Variants in NRXN1 observed in about 807,000 individuals in gnomAD.
NRXN1 encodes neurexin 1.
Under a neutral mutation model 150.9 loss-of-function variants are expected in NRXN1, and 39 were observed. The observed-to-expected ratio is 0.26, with a 90% CI of 0.20 to 0.34. The LOEUF (loss-of-function observed/expected upper bound fraction) is 0.34. NRXN1 is among the 10% of genes least tolerant of loss of function. NRXN1 has a pLI of 1.00. For synonymous variants in NRXN1, 924 were observed against 757.0 expected (o/e 1.22, Z -3.62); for missense variants, 1,815 against 1,949.9 (o/e 0.93, Z 1.30).
intron 2 of NRXN1, among the ~76,000 whole-genome samples, chr2:51,017,542 A>AAATGAGG (rs1668907743): frequency 1.3e-5 from 1 of 76,518 alleles, no homozygotes; most frequent in Non-Finnish European, 2.4e-5. Flanking sequence ...TTTTTTTTAG[A>AAATGAGG]AATGAGGTCT....
chr2:49,937,757 A>G (rs865936362), intron 22 of NRXN1, among the ~76,000 whole-genome samples: 1 of 152,200 alleles, frequency 6.6e-6, no homozygotes, highest in Non-Finnish European at 1.5e-5. Flanking sequence ...TTTGACAGCA[A>G]TGTGTTGGCT....
chr2:49,970,733 C>T (rs1342247749), intron 21 of NRXN1: 2 of 152,068 alleles, frequency 1.3e-5, no homozygotes, highest in South Asian at 2.1e-4. Context: ...TAAATCTAAA[C>T]TTAGTGTCAT....
chr2:50,937,496 G>A (rs2104450931), intron 2 of NRXN1, among the ~76,000 whole-genome samples: 1 of 152,260 alleles, frequency 6.6e-6, no homozygotes, highest in Middle Eastern at 3.4e-3. Flanking sequence ...CACACCAGAT[G>A]TAAGGAACTC....
intron 5 of NRXN1, among the ~76,000 whole-genome samples, chr2:50,890,925 T>TAA (rs1680950779): frequency 6.6e-6 from 1 of 151,980 alleles, no homozygotes; most frequent in African/African-American, 2.4e-5. Context: ...ACGTAAAGAA[T>TAA]AAAATAAGTA....
intron 17 of NRXN1, among the ~76,000 whole-genome samples, chr2:50,433,152 T>A (rs1434688060): frequency 6.6e-6 from 1 of 152,226 alleles, no homozygotes; most frequent in Admixed American, 6.5e-5. Context: ...TATGGAAAGA[T>A]GTAAAGCTCC....
intron 18 of NRXN1, among the ~76,000 whole-genome samples, chr2:50,235,435 G>T (rs920549532): frequency 1.3e-5 from 2 of 152,034 alleles, no homozygotes; most frequent in African/African-American, 4.8e-5. Flanking sequence ...GTGCTGAGGG[G>T]TTTTGTTGTG....
intron 17 of NRXN1, among the ~76,000 whole-genome samples, chr2:50,381,567 A>ACACACACAAT (rs1558635290): frequency 2.8e-5 from 4 of 141,406 alleles, no homozygotes; most frequent in Non-Finnish European, 6.1e-5. Context: ...ACACACACAC[A>ACACACACAAT]CACACAATCT....
At chr2:50,427,470 T>C (rs895222559) in intron 17 of NRXN1, among the ~76,000 whole-genome samples, 1 of 152,126 alleles carries the variant, frequency 6.6e-6, no homozygotes, top group African/African-American at 2.4e-5. Flanking sequence ...GTTCTGCTCA[T>C]ATATCAGAGT....
intron 5 of NRXN1, among the ~76,000 whole-genome samples, chr2:50,839,667 G>T (rs542658926): frequency 6.6e-6 from 1 of 152,202 alleles, no homozygotes; most frequent in Admixed American, 6.5e-5. Context: ...CTATTTATCA[G>T]ATACTATGAG....
At chr2:50,108,103 G>C (rs1258513445) in intron 18 of NRXN1, among the ~76,000 whole-genome samples, 1 of 151,744 alleles carries the variant, frequency 6.6e-6, no homozygotes, top group East Asian at 1.9e-4. Context: ...CCAAGAACTA[G>C]ATAATTACCA....
intron 8 of NRXN1, among the ~76,000 whole-genome samples, chr2:50,555,770 A>T (rs1431826201): frequency 1.3e-5 from 2 of 152,222 alleles, no homozygotes; most frequent in Non-Finnish European, 2.9e-5. Flanking sequence ...TCATAAACTA[A>T]TTACTATTTT....
chr2:50,441,020 C>T (rs2104449745), intron 17 of NRXN1, among the ~76,000 whole-genome samples: 1 of 152,274 alleles, frequency 6.6e-6, no homozygotes, highest in Middle Eastern at 3.4e-3. Context: ...CACATTAACA[C>T]AGATTTTAAG....
At chr2:49,952,403 A>C (rs1674131912) in intron 21 of NRXN1, among the ~76,000 whole-genome samples, 1 of 152,212 alleles carries the variant, frequency 6.6e-6, no homozygotes, top group Non-Finnish European at 1.5e-5. Context: ...ATCATGTAAC[A>C]CTAAAAGGGG....
chr2:50,543,388 C>T (rs1033251568), intron 9 of NRXN1, among the ~76,000 whole-genome samples: 2 of 152,046 alleles, frequency 1.3e-5, no homozygotes, highest in South Asian at 2.1e-4. Context: ...AAGCACCCTG[C>T]TATGCTATTT....
rs568344773 is a variant in NRXN1 at position 50,786,574 on chromosome 2, T to A, written c.832+135295A>T. ...CAAGTGGAAGACAAGATTATAGGAT[T>A]TAGACAGTCCTTGCAGAGGAACTGG... On this transcript the variant is annotated intron_variant, in intron 5 of 22. Transcript: ENST00000401669. Among the ~76,000 whole-genome samples, 4 of 152,240 alleles carry A rather than the reference T, an allele frequency of 2.6e-5. No individual in the cohort carries two copies. The East Asian group carries it at 5.8e-4, about 22-fold the overall frequency.
chr2:50,304,967 G>C (rs1297468105), intron 17 of NRXN1, among the ~76,000 whole-genome samples: 1 of 152,124 alleles, frequency 6.6e-6, no homozygotes, highest in Non-Finnish European at 1.5e-5. Context: ...GCGGGTGCCT[G>C]TAATCCCAGC....
chr2:51,005,615 C>G (rs1014222605), intron 2 of NRXN1, among the ~76,000 whole-genome samples: 1 of 151,780 alleles, frequency 6.6e-6, no homozygotes, highest in Non-Finnish European at 1.5e-5. Flanking sequence ...GACTATAAAA[C>G]TCACTGGTAG....
intron 2 of NRXN1, among the ~76,000 whole-genome samples, chr2:50,984,009 C>T (rs1418022512): frequency 6.6e-6 from 1 of 151,646 alleles, no homozygotes; most frequent in African/African-American, 2.4e-5. Context: ...ACTCTATTGC[C>T]CAGGCTGGAA....
intron 17 of NRXN1, among the ~76,000 whole-genome samples, chr2:50,348,002 C>T (rs765668267): frequency 6.6e-6 from 1 of 152,158 alleles, no homozygotes; most frequent in Non-Finnish European, 1.5e-5. Context: ...CAGGTGATCC[C>T]TCCATCTGAA....
Sources: gnomAD v4.1 joint callset for allele counts (sites outside exome capture counted in the v4.1 genomes callset) on GRCh38, gnomAD v4.1.1 for gene constraint, MANE v1.5 for transcripts, NCBI Gene and HGNC (gene_info 2026-07-23, HGNC 2026-07-21) for gene names.